Variants in STPG2 observed in about 807,000 individuals in gnomAD.
The protein encoded by STPG2 is sperm tail PG-rich repeat containing 2.
A neutral mutation model predicts 54.2 loss-of-function variants in STPG2; 56 were observed. The ratio of observed to expected loss-of-function variants is 1.03; its 90% CI spans 0.83 to 1.29. The LOEUF (loss-of-function observed/expected upper bound fraction) is 1.29. Among genes scored for constraint, STPG2 ranks in the 50% most tolerant of loss-of-function variants. The pLI is 0.00. For missense variants in STPG2, 596 were observed against 544.9 expected (o/e 1.09, Z -0.93); for synonymous variants, 200 against 181.8 (o/e 1.10, Z -0.81).
At chr4:97,696,412 A>C (rs1723575882) in intron 10 of STPG2, among the ~76,000 whole-genome samples, 1 of 152,250 alleles carries the variant, frequency 6.6e-6, no homozygotes. Context: ...ACCTGAAACC[A>C]TACAAATTCC....
intron 5 of STPG2, among the ~76,000 whole-genome samples, chr4:98,094,757 G>A (rs1333122118): frequency 2.6e-5 from 4 of 152,186 alleles, no homozygotes; most frequent in African/African-American, 9.6e-5. Context: ...GACACAGGGA[G>A]AGGCTCCTCT....
chr4:98,032,265 G>GC (rs1351550776), intron 5 of STPG2, among the ~76,000 whole-genome samples: 1 of 152,108 alleles, frequency 6.6e-6, no homozygotes, highest in Non-Finnish European at 1.5e-5. Flanking sequence ...ACTTGCACAT[G>GC]CATGTTTATA....
chr4:98,094,806 T>C (rs1034809056), intron 5 of STPG2, among the ~76,000 whole-genome samples: 3 of 152,212 alleles, frequency 2.0e-5, no homozygotes, highest in African/African-American at 7.2e-5. Context: ...AAGGACTTCA[T>C]ATTATAGTTT....
chr4:97,582,342 T>C (rs907508500), intron 10 of STPG2, among the ~76,000 whole-genome samples: 1 of 152,052 alleles, frequency 6.6e-6, no homozygotes, highest in African/African-American at 2.4e-5. Flanking sequence ...GAAAAAATAG[T>C]AAACATCATG....
At chr4:97,443,593 A>G (rs1040426133) in intron 4 of STPG2, among the ~76,000 whole-genome samples, 1 of 152,128 alleles carries the variant, frequency 6.6e-6, no homozygotes, top group Non-Finnish European at 1.5e-5. Context: ...GTTATACTCT[A>G]AAAATATGGG....
intron 10 of STPG2, among the ~76,000 whole-genome samples, chr4:97,595,880 C>T (rs957935078): frequency 6.6e-6 from 1 of 152,142 alleles, no homozygotes; most frequent in African/African-American, 2.4e-5. Flanking sequence ...TAATAACTAG[C>T]TAACAACATG....
intron 5 of STPG2, among the ~76,000 whole-genome samples, chr4:98,105,164 A>C (rs1309496684): frequency 6.6e-6 from 1 of 152,220 alleles, no homozygotes; most frequent in African/African-American, 2.4e-5. Context: ...CTATAAATTT[A>C]TTCTGACCAA....
chr4:98,018,272 G>GT (rs895238824), intron 5 of STPG2, among the ~76,000 whole-genome samples: 15 of 152,088 alleles, frequency 9.9e-5, no homozygotes, highest in South Asian at 4.2e-4. Context: ...GCGGTGTTTG[G>GT]TTTTTTGTCC....
chr4:97,554,081 A>G (rs867878165), downstream of STPG2, among the ~76,000 whole-genome samples: 10 of 152,060 alleles, frequency 6.6e-5, no homozygotes, highest in African/African-American at 2.2e-4. Context: ...CTATGTTTCC[A>G]TTTCCAAACC....
chr4:97,933,381 G>A (rs1317569084), intron 8 of STPG2, among the ~76,000 whole-genome samples: 1 of 152,036 alleles, frequency 6.6e-6, no homozygotes. Flanking sequence ...GATCCCAATT[G>A]TCAATTTTTT....
intron 7 of STPG2, among the ~76,000 whole-genome samples, 189 bp downstream of exon 7, chr4:97,972,091 G>GT (rs954006652): frequency 6.6e-6 from 1 of 151,806 alleles, no homozygotes; most frequent in Non-Finnish European, 1.5e-5. Flanking sequence ...TTCAATTTGT[G>GT]TTTTTTATTT....
intron 9 of STPG2, among the ~76,000 whole-genome samples, chr4:97,722,254 T>C (rs553300056): frequency 6.6e-6 from 1 of 152,258 alleles, no homozygotes; most frequent in East Asian, 1.9e-4. Context: ...TTTCAAAACA[T>C]AACATTTTAC....
intron 10 of STPG2, among the ~76,000 whole-genome samples, chr4:97,675,053 G>C (rs994601869): frequency 1.3e-5 from 2 of 152,040 alleles, no homozygotes; most frequent in African/African-American, 4.8e-5. Context: ...GCCCAGGCTG[G>C]AGTGCAATGG....
rs552466842 is a variant in STPG2, at chr4:97,725,001, C to T, written c.1205-12187G>A. ...CCCAGAACTCTTCTTGACTCAAATC[C>T]TGTTGATTTATCTTTGCTTTTAGGT... On this transcript the variant is annotated intron_variant, in intron 9 of 10. Coordinates refer to ENST00000295268, the MANE Select transcript of STPG2 (RefSeq NM_174952.3). 5.3e-5 allele frequency among the ~76,000 whole-genome samples: 8 copies of T among 152,166 alleles called. No individual in the cohort carries two copies. The South Asian group carries it at 1.2e-3, about 24-fold the overall frequency.
chr4:97,545,027 T>A (rs1023443095), intron 4 of STPG2, among the ~76,000 whole-genome samples: 8 of 152,114 alleles, frequency 5.3e-5, no homozygotes, highest in Non-Finnish European at 4.4e-5. Context: ...GGGCAAGTAA[T>A]CAATAAGATT....
At chr4:98,085,027 AC>A (rs1738463686) in intron 5 of STPG2, among the ~76,000 whole-genome samples, 1 of 152,020 alleles carries the variant, frequency 6.6e-6, no homozygotes, top group South Asian at 2.1e-4. Flanking sequence ...ACATTTTCTT[AC>A]CCCAAAATTG....
chr4:97,744,725 A>G (rs952505933), intron 9 of STPG2, among the ~76,000 whole-genome samples: 1 of 151,476 alleles, frequency 6.6e-6, no homozygotes, highest in South Asian at 2.1e-4. Flanking sequence ...AAAATACAAC[A>G]ATGATAACAC....
At chr4:97,901,768 C>T (rs1016442951) in intron 8 of STPG2, among the ~76,000 whole-genome samples, 2 of 151,654 alleles carry the variant, frequency 1.3e-5, no homozygotes, top group Admixed American at 6.6e-5. Flanking sequence ...TCAATGCAAT[C>T]CCTATCAAAA....
At chr4:97,628,221 C>T (rs924591839) in intron 10 of STPG2, among the ~76,000 whole-genome samples, 1 of 152,052 alleles carries the variant, frequency 6.6e-6, no homozygotes, top group African/African-American at 2.4e-5. Flanking sequence ...GGAGGTATTG[C>T]TCCTGATATT....
Sources: allele counts gnomAD v4.1 joint callset (sites outside exome capture counted in the v4.1 genomes callset), GRCh38; gene constraint gnomAD v4.1.1; transcripts MANE v1.5; gene names NCBI Gene and HGNC (gene_info 2026-07-23, HGNC 2026-07-21).